The following NPC1L1 variants were observed in gnomAD, a reference collection of about 807,000 sequenced individuals.
NPC1L1 encodes the protein NPC1-like intracellular cholesterol transporter 1.
Under a neutral mutation model 117.0 loss-of-function variants are expected in NPC1L1, and 98 were observed. That is an observed-to-expected ratio of 0.84 (90% CI 0.71 to 0.99). NPC1L1 has a LOEUF of 0.99. Ranked by LOEUF, NPC1L1 falls within the 50% of genes least tolerant of loss-of-function variation. NPC1L1 has a pLI of 0.00. For synonymous variants in NPC1L1, 729 were observed against 727.6 expected (o/e 1.00, Z -0.03); for missense variants, 1,540 against 1,710.0 (o/e 0.90, Z 1.75).
In NPC1L1 at chr7:44,540,136, G is replaced by T. The variant is rs770764471; in HGVS notation, c.261C>A (p.Thr87=). 6.2e-7 allele frequency: 1 copy of T among 1,614,138 alleles called. No individual in the cohort carries two copies. The highest frequency in any genetic ancestry group is 8.5e-7 in the Non-Finnish European group (1 of 1,180,018). ...GCTGCTTGGCGGAGCAGCAGGCTTG[G>T]GTGTTGGGGCCGGTGTAGAGGCGGG... ...ICPRLYTGPN[T]QACCSAKQLV... is the part of the protein sequence containing the mutation. Residue 87 remains threonine (T), a synonymous_variant, in exon 2 of 19, where the codon ACC becomes ACA. Transcript: ENST00000381160.
In NPC1L1 at chr7:44,536,809, C is replaced by T. The variant is rs1801910275; in HGVS notation, c.1681+33G>A. 1.9e-6 allele frequency: 3 copies of T among 1,564,614 alleles called. No individual in the cohort carries two copies. The Admixed American group carries it at 5.0e-5, about 26-fold the overall frequency. On this transcript the variant is annotated intron_variant, in intron 3 of 18. Transcript: ENST00000381160. The surrounding 1 kb of genome is among the most constrained non-coding windows in gnomAD (Gnocchi z 4.7). The stretch of plus-strand genomic sequence containing the variant: ...GGTTCCTGCCCCAATACTGCATCTT[C>T]CTTGGCTTCCTCTCAGGGCCCACTT...
At position 44,522,135 on chromosome 7, in the gene NPC1L1, C is replaced by G; in HGVS notation, c.2745G>C (p.Gly915=). The G allele has an allele frequency of 6.2e-7, 1 of 1,613,996 alleles. No individual in the cohort carries two copies. The highest frequency in any genetic ancestry group is 8.5e-7 in the Non-Finnish European group (1 of 1,179,978). The part of the protein sequence containing the change: ...TLGYNFSSEA[G]MNAICSSAGC... ...CTGCACTGGAGCAGATGGCATTCAT[C>G]CCAGCCTCGCTGGAGAAGTTGTAGC... The change falls in exon 11 of 19, where the codon GGG becomes GGC. Residue 915 remains glycine, a synonymous_variant. Coordinates refer to ENST00000381160, the MANE Select transcript of NPC1L1 (RefSeq NM_001101648.2).
chr7:44,535,313 G>A lies in NPC1L1; in HGVS notation c.1983+527C>T, dbSNP rs954090730. ...CAGGAGGCGGAGGTTGCAGTGAGCC[G>A]AGATCGCGCCGTTACACTGCAGCCT... On this transcript the variant is annotated intron_variant, in intron 5 of 18. Transcript: ENST00000381160. Among the ~76,000 whole-genome samples the A allele has an allele frequency of 6.6e-5, 10 of 151,486 alleles. No individual in the cohort carries two copies. The South Asian group carries it at 1.3e-3, about 19-fold the overall frequency.
In NPC1L1 at chr7:44,541,273, A is replaced by G; in HGVS notation, c.-14T>C. On this transcript the variant is annotated 5_prime_UTR_variant, in exon 1 of 19. Transcript: ENST00000381160. Reference sequence around the variant, plus strand: ...GGCCTCCGCCATCCCAGGTCTGGGAAGGGGTCAGCGGGGAGCCAGGCCAGG... The same window carrying G: ...GGCCTCCGCCATCCCAGGTCTGGGAGGGGGTCAGCGGGGAGCCAGGCCAGG... The G allele has an allele frequency of 6.5e-7, 1 of 1,549,486 alleles. No homozygotes were observed. Among genetic ancestry groups the G allele is most frequent in the Non-Finnish European group, 8.7e-7 (1 of 1,146,602 alleles).
At chr7:44,518,335 A>G (rs1319787775) in intron 14 of NPC1L1, among the ~76,000 whole-genome samples, 2 of 150,598 alleles carry the variant, frequency 1.3e-5, no homozygotes, top group Admixed American at 1.3e-4. Context: ...ATGCCTGGCT[A>G]ATTTTTGTAT....
intron 16 of NPC1L1, 39 bp from the exon 17 acceptor site, chr7:44,516,236 G>T (rs376244566): frequency 1.9e-6 from 3 of 1,542,242 alleles, no homozygotes; most frequent in Non-Finnish European, 2.6e-6. Flanking sequence ...GAAAGGCAGA[G>T]GTGGGGAAGG....
Position 44,534,275 on chromosome 7 carries a change from C to T in NPC1L1, c.2166+172G>A, listed in dbSNP as rs1209146197. Among the ~76,000 whole-genome samples the T allele has an allele frequency of 6.6e-6, 1 of 152,154 alleles. No homozygotes were observed. The highest frequency in any genetic ancestry group is 1.5e-5 in the Non-Finnish European group (1 of 68,034). On this transcript the variant is annotated intron_variant, in intron 6 of 18. Coordinates refer to ENST00000381160, the MANE Select transcript of NPC1L1 (RefSeq NM_001101648.2). This position sits in a 1 kb window ranked among gnomAD's most constrained non-coding sequence, Gnocchi z 5.2. ...CCAGATGGTAGAGGCAGGATGAAGT[C>T]ATTTATGTCAACACACTCTAGTTTC...
At chr7:44,527,461 CAAAAAAAAA>C (rs1160435212) in intron 10 of NPC1L1, among the ~76,000 whole-genome samples, 7 of 40,106 alleles carry the variant, frequency 1.7e-4, no homozygotes, top group Admixed American at 5.6e-4. Context: ...AACAACTTCT[CAAAAAAAAA>C]AAAAAAAAAA....
In NPC1L1 at chr7:44,534,456, G is replaced by A. The variant is rs753112585; in HGVS notation, c.2157C>T (p.Leu719=). 24 of 1,613,962 alleles carry A rather than the reference G, an allele frequency of 1.5e-5. No homozygotes were observed. In the Admixed American group the frequency reaches 2.0e-4, roughly 13 times the overall value. ...GCTCCTCCCTTCTTACCTGGTACTC[G>A]AGAACAAAGATGAAGATGTTATCAG... ...VGADNIFIFV[L]EYQRLPRRPG... The change falls in exon 6 of 19, where the codon CTC becomes CTT. Residue 719 remains leucine, a synonymous_variant. Coordinates refer to ENST00000381160, the MANE Select transcript of NPC1L1 (RefSeq NM_001101648.2). This position sits in a 1 kb window ranked among gnomAD's most constrained non-coding sequence, Gnocchi z 5.2.
At position 44,513,503 on chromosome 7, in the gene NPC1L1, T is replaced by G. The variant is rs749674646; in HGVS notation, c.3943A>C (p.Ile1315Leu). ...IYVNHSFEGS[I>L]KGAGAISNFL... is the part of the protein sequence containing the mutation. The stretch of plus-strand genomic sequence containing the variant: ...TTGCTGATGGCACCAGCACCTTTGA[T>G]AGAACCTTCAAAGCTGTGGTTGACA... Residue 1315 changes from isoleucine to leucine, a missense_variant, in exon 19 of 19, where the codon ATC becomes CTC. Coordinates refer to ENST00000381160, the MANE Select transcript of NPC1L1 (RefSeq NM_001101648.2). The G allele has an allele frequency of 1.9e-6, 3 of 1,614,092 alleles. No homozygotes were observed. Among genetic ancestry groups the G allele is most frequent in the Non-Finnish European group, 2.5e-6 (3 of 1,180,038 alleles).
intron 10 of NPC1L1, among the ~76,000 whole-genome samples, chr7:44,522,579 G>A (rs1044685063): frequency 1.3e-5 from 2 of 152,152 alleles, no homozygotes; most frequent in Non-Finnish European, 2.9e-5. Flanking sequence ...GACATGCACA[G>A]ACACACACAC....
At position 44,513,334 on chromosome 7, in the gene NPC1L1, G is replaced by T; in HGVS notation, c.*113C>A. The T allele has an allele frequency of 2.0e-6, 2 of 1,024,962 alleles. No individual in the cohort carries two copies. Among genetic ancestry groups the T allele is most frequent in the Non-Finnish European group, 3.0e-6 (2 of 659,864 alleles). The allele number at this position is 1,024,962 out of a possible 1,614,324, so 63.5% of individuals were successfully genotyped here. A position where few individuals can be genotyped will look rare whatever the true frequency, so the allele number is the denominator to read the frequency against. On this transcript the variant is annotated 3_prime_UTR_variant, in exon 19 of 19. Transcript: ENST00000381160. ...CCTCCAGTGACAGGCAGTCTCATGG[G>T]AATGGCCTCCCCTAGGATTTGAGGA...
In NPC1L1 at chr7:44,536,282, T is replaced by C. The variant is rs1801888968; in HGVS notation, c.1828A>G (p.Met610Val). Residue 610 changes from methionine (M) to valine (V), a missense_variant, in exon 4 of 19, where the codon ATG (methionine) becomes GTG (valine). Physicochemically the swap from Met to Val is conservative, Grantham distance 21 (BLOSUM62 1). This residue lies in a region of NPC1L1 where 793 missense variants were observed against 820.4 expected (regional missense o/e 0.97). Transcript: ENST00000381160. The surrounding 1 kb of genome is among the most constrained non-coding windows in gnomAD (Gnocchi z 4.7). ...MRAFQRRMAG[M>V]FQVTFMAERS... ...TCAGCCATGAACGTGACCTGGAACA[T>C]GCCAGCCATCCGACGCTGGAAGGCT... The C allele has an allele frequency of 6.2e-7, 1 of 1,614,080 alleles. No individual in the cohort carries two copies. Among genetic ancestry groups the C allele is most frequent in the Non-Finnish European group, 8.5e-7 (1 of 1,180,018 alleles).
intron 14 of NPC1L1, among the ~76,000 whole-genome samples, chr7:44,519,038 TC>T (rs1011154966): frequency 3.9e-5 from 6 of 152,010 alleles, no homozygotes; most frequent in African/African-American, 1.4e-4. Context: ...TCTTTTCTTT[TC>T]TTTTCTTTCC....
At position 44,516,191 on chromosome 7, in the gene NPC1L1, C is replaced by A; in HGVS notation, c.3526G>T (p.Gly1176Cys). 1 of 1,603,768 alleles carries A rather than the reference C, an allele frequency of 6.2e-7. No individual in the cohort carries two copies. Among genetic ancestry groups the A allele is most frequent in the Non-Finnish European group, 8.5e-7 (1 of 1,174,934 alleles). Residue 1176 changes from glycine (G) to cysteine (C), a missense_variant, in exon 17 of 19, where the codon GGC becomes TGC. Gly to Cys is a radical substitution (Grantham distance 159). Around this residue, in one of 3 missense-constraint regions of NPC1L1, gnomAD observed 742 missense variants for 873.6 expected, o/e 0.85. Coordinates refer to ENST00000381160, the MANE Select transcript of NPC1L1 (RefSeq NM_001101648.2). ...TGGGACACAAACTCCACAGACATGC[C>A]CACCGCCTATGGGCAGAGAGGGGGC... ...VSLINLVSAV[G>C]MSVEFVSHIT... is the part of the protein sequence containing the mutation.
intron 10 of NPC1L1, among the ~76,000 whole-genome samples, chr7:44,526,284 C>T (rs1167631348): frequency 1.3e-5 from 2 of 151,894 alleles, no homozygotes; most frequent in African/African-American, 4.8e-5. Flanking sequence ...CATGGTGGCT[C>T]ATGCCTGTAA....
rs141077131 is a variant in NPC1L1, at chr7:44,519,568, T to C, written c.3136+1197A>G. ...AGCTTTCAGCCAGCAGTTCAAACTA[T>C]GAATTATTTCAGTACAAAGTGAGAT... is the stretch of plus-strand genomic sequence containing the variant. On this transcript the variant is annotated intron_variant, in intron 14 of 18. Transcript: ENST00000381160. Among the ~76,000 whole-genome samples the C allele has an allele frequency of 3.1e-4, 47 of 152,266 alleles. 2 individuals carry two copies. The South Asian group carries it at 5.8e-3, about 19-fold the overall frequency.
chr7:44,516,252 G>T, intron 16 of NPC1L1, 55 bp from the exon 17 acceptor site: 1 of 1,436,750 alleles, frequency 7.0e-7, no homozygotes, highest in Non-Finnish European at 9.6e-7. Context: ...GAAGGAACTA[G>T]GGAGATGAGG....
Position 44,520,754 on chromosome 7 carries a change from G to A in NPC1L1, c.3136+11C>T. The stretch of plus-strand genomic sequence containing the variant: ...ATTTATGTCCTCCCCTCCAGGCAAG[G>A]CCATGCTTACCTAAAACCTGGCCAT... On this transcript the variant is annotated intron_variant, in intron 14 of 18. Coordinates refer to ENST00000381160, the MANE Select transcript of NPC1L1 (RefSeq NM_001101648.2). 1.2e-6 allele frequency: 2 copies of A among 1,612,492 alleles called. No homozygotes were observed. Among genetic ancestry groups the A allele is most frequent in the African/African-American group, 2.7e-5 (2 of 75,004 alleles).
Sources: allele counts gnomAD v4.1 joint callset (sites outside exome capture counted in the v4.1 genomes callset), GRCh38; gene constraint gnomAD v4.1.1; regional missense constraint gnomAD v4.1.1; non-coding constraint Gnocchi (gnomAD v3.1); transcripts MANE v1.5; gene names NCBI Gene and HGNC (gene_info 2026-07-23, HGNC 2026-07-21).